The following DPF3 variants were observed in gnomAD, a reference collection of about 807,000 sequenced individuals.
DPF3 encodes zinc finger protein DPF3.
A neutral mutation model predicts 56.8 loss-of-function variants in DPF3; 18 were observed. The ratio of observed to expected loss-of-function variants is 0.32; its 90% CI spans 0.22 to 0.47. DPF3 has a LOEUF of 0.47. Ranked by LOEUF, DPF3 falls within the 20% of genes least tolerant of loss-of-function variation. The pLI is 1.00. For missense variants in DPF3, 403 were observed against 488.8 expected (o/e 0.82, Z 1.65); for synonymous variants, 188 against 180.2 (o/e 1.04, Z -0.35).
At chr14:72,784,956 TCA>T (rs1892151108) in intron 1 of DPF3, among the ~76,000 whole-genome samples, 1 of 143,704 alleles carries the variant, frequency 7.0e-6, no homozygotes, top group African/African-American at 2.6e-5. Context: ...AAACACCGCC[TCA>T]AAAAAAAAAA....
At chr14:72,893,748 G>A (rs1362543350) in intron 1 of DPF3, among the ~76,000 whole-genome samples, 1 of 151,934 alleles carries the variant, frequency 6.6e-6, no homozygotes, top group African/African-American at 2.4e-5. Context: ...CCGAGCTCCC[G>A]CGACCCTCCT....
intron 1 of DPF3, among the ~76,000 whole-genome samples, chr14:72,813,844 C>T (rs1199494451): frequency 1.3e-5 from 2 of 152,148 alleles, no homozygotes; most frequent in Admixed American, 1.3e-4. Context: ...GGCTCCATGA[C>T]GGCTGGTCCC....
intron 8 of DPF3, chr14:72,670,635 TTCTCTCTCTC>T (rs140358812): frequency 2.1e-6 from 2 of 934,890 alleles, no homozygotes; most frequent in Non-Finnish European, 2.5e-6. Context: ...TTGATTTCCC[TTCTCTCTCTC>T]TCTCTCTCTC....
intron 2 of DPF3, 72 bp from the exon 3 acceptor site, chr14:72,753,443 C>A: frequency 3.2e-6 from 4 of 1,249,156 alleles, no homozygotes; most frequent in Non-Finnish European, 3.3e-6. Context: ...CCTGACTAAC[C>A]CCGTCATTCA....
intron 4 of DPF3, among the ~76,000 whole-genome samples, chr14:72,729,234 C>T (rs553385170): frequency 1.3e-5 from 2 of 151,798 alleles, no homozygotes; most frequent in African/African-American, 2.4e-5. Context: ...GGCGACACAG[C>T]GAGACTCTGT....
At chr14:72,692,772 T>C (rs1030039857) in intron 7 of DPF3, among the ~76,000 whole-genome samples, 4 of 151,468 alleles carry the variant, frequency 2.6e-5, no homozygotes, top group South Asian at 2.1e-4. Context: ...GGGAAAAGAG[T>C]TGTAGGTCTG....
At chr14:72,661,999 G>A (rs1330269055) in intron 8 of DPF3, 17 of 985,002 alleles carry the variant, frequency 1.7e-5, no homozygotes, top group Non-Finnish European at 2.0e-5. Flanking sequence ...TAGGAGGCAG[G>A]CTGCTTCTGA....
chr14:72,759,293 T>A (rs1890970642), intron 2 of DPF3, among the ~76,000 whole-genome samples: 1 of 151,926 alleles, frequency 6.6e-6, no homozygotes. Context: ...AAAAAAATAA[T>A]GGCATAAATG....
At chr14:72,772,000 C>G (rs1157139968) in intron 1 of DPF3, 107 bp from the exon 2 acceptor site, 2 of 1,247,222 alleles carry the variant, frequency 1.6e-6, no homozygotes, top group Non-Finnish European at 2.1e-6. Flanking sequence ...CTGAAGACCT[C>G]CCAGTTATGA....
chr14:72,737,477 T>C (rs1367757203), intron 3 of DPF3, among the ~76,000 whole-genome samples: 1 of 152,156 alleles, frequency 6.6e-6, no homozygotes, highest in African/African-American at 2.4e-5. Context: ...CCAGGTCATT[T>C]AAAAATGCAA....
At chr14:72,757,105 G>A (rs566007081) in intron 2 of DPF3, among the ~76,000 whole-genome samples, 1 of 137,132 alleles carries the variant, frequency 7.3e-6, no homozygotes, top group African/African-American at 2.8e-5. Context: ...AAGGGAGAGA[G>A]GGAGGGAGGG....
At position 72,769,657 on chromosome 14, in the gene DPF3, C is replaced by T. The variant is rs540513916; in HGVS notation, c.193+2076G>A. On this transcript the variant is annotated intron_variant, in intron 2 of 10. Transcript: ENST00000556509. ...ATCATGCCACTGCACTCCAGCCTGG[C>T]TACTGAGTGAGACTCCATCTCAAAA... is the stretch of plus-strand genomic sequence containing the variant. 1.9e-4 allele frequency among the ~76,000 whole-genome samples: 26 copies of T among 135,140 alleles called. No homozygotes were observed. In the South Asian group the frequency reaches 6.3e-3, roughly 33 times the overall value. 88.7% of individuals were successfully genotyped at this position (135,140 alleles called of 152,430 possible). A position where few individuals can be genotyped will look rare whatever the true frequency, so the allele number is the denominator to read the frequency against.
intron 1 of DPF3, chr14:72,892,151 T>C: frequency 6.5e-7 from 1 of 1,534,438 alleles, no homozygotes; most frequent in South Asian, 1.2e-5. Flanking sequence ...ACAAACCTGG[T>C]GCACATGTGA....
intron 5 of DPF3, among the ~76,000 whole-genome samples, chr14:72,718,448 G>T (rs181133511): frequency 1.3e-5 from 2 of 152,262 alleles, no homozygotes; most frequent in Admixed American, 1.3e-4. Context: ...GTCCTAAAAC[G>T]TGATCTGCCT....
intron 2 of DPF3, among the ~76,000 whole-genome samples, chr14:72,754,843 G>A (rs912057414): frequency 2.6e-5 from 4 of 152,180 alleles, no homozygotes; most frequent in Non-Finnish European, 4.4e-5. Context: ...AAAATACTCA[G>A]GTCTCTTTAT....
chr14:72,735,273 C>T (rs758264640), intron 3 of DPF3, among the ~76,000 whole-genome samples: 9 of 152,178 alleles, frequency 5.9e-5, no homozygotes, highest in Non-Finnish European at 1.3e-4. Context: ...GTTTTGGGTT[C>T]TGCTCTATAC....
chr14:72,856,392 G>A (rs971707962), intron 1 of DPF3, among the ~76,000 whole-genome samples: 1 of 152,202 alleles, frequency 6.6e-6, no homozygotes, highest in African/African-American at 2.4e-5. Flanking sequence ...AGGGATCCAT[G>A]AGGCACCTTT....
intron 9 of DPF3, among the ~76,000 whole-genome samples, chr14:72,626,034 A>G (rs2153566535): frequency 6.6e-6 from 1 of 152,278 alleles, no homozygotes; most frequent in East Asian, 1.9e-4. Context: ...TGTTTTCCAA[A>G]GTTACTTAGG....
At chr14:72,627,803 G>C (rs909777014) in intron 9 of DPF3, among the ~76,000 whole-genome samples, 2 of 151,988 alleles carry the variant, frequency 1.3e-5, no homozygotes, top group African/African-American at 2.4e-5. Flanking sequence ...CTTTCAATTT[G>C]TTCTTTGTGT....
Sources: gnomAD v4.1 joint callset for allele counts (sites outside exome capture counted in the v4.1 genomes callset) on GRCh38, gnomAD v4.1.1 for gene constraint, MANE v1.5 for transcripts, NCBI Gene and HGNC (gene_info 2026-07-23, HGNC 2026-07-21) for gene names.